XKR9: variants seen among roughly 807,000 people sequenced by gnomAD.
XKR9 encodes the protein XK-related protein 9.
A neutral mutation model predicts 32.0 loss-of-function variants in XKR9; 32 were observed. The observed-to-expected ratio is 1.00, with a 90% CI of 0.76 to 1.34. The LOEUF (loss-of-function observed/expected upper bound fraction) is 1.34. Ranked by LOEUF, XKR9 falls within the 40% of genes most tolerant of loss-of-function variation. The pLI, the probability that XKR9 is intolerant of heterozygous loss-of-function variation, is 0.00. For missense variants in XKR9, 546 were observed against 429.7 expected, an observed-to-expected ratio of 1.27 and a Z score of -2.39; for synonymous variants, 168 against 143.4, an observed-to-expected ratio of 1.17 and a Z score of -1.22.
At chr8:71,019,530 T>C in the XKR9 span, among the ~76,000 whole-genome samples, 2 of 152,302 alleles carry the variant, frequency 1.3e-5, no homozygotes, top group African/African-American at 4.8e-5. Context: ...CTGGGCCCAA[T>C]AGAGAGATCA....
the XKR9 span, among the ~76,000 whole-genome samples, chr8:71,064,207 T>G: frequency 6.6e-6 from 1 of 152,182 alleles, no homozygotes; most frequent in South Asian, 2.1e-4. Context: ...CTTAATTTTT[T>G]GAAGTACTTG....
chr8:70,914,162 T>C, the XKR9 span, among the ~76,000 whole-genome samples: 1 of 152,330 alleles, frequency 6.6e-6, no homozygotes, highest in Non-Finnish European at 1.5e-5. Flanking sequence ...TTTTCTGAGC[T>C]CAAGTGATCC....
the XKR9 span, among the ~76,000 whole-genome samples, chr8:70,810,441 C>T: frequency 6.6e-6 from 1 of 152,092 alleles, no homozygotes; most frequent in East Asian, 1.9e-4. Flanking sequence ...CACATAACAA[C>T]ATTAACTTTA....
At chr8:71,060,069 T>C in the XKR9 span, among the ~76,000 whole-genome samples, 1 of 152,212 alleles carries the variant, frequency 6.6e-6, no homozygotes, top group Non-Finnish European at 1.5e-5. Context: ...ATTAAAATAC[T>C]GTTTGGAAAA....
At chr8:70,718,319 TTTTAC>T (rs59063330) in intron 4 of XKR9, among the ~76,000 whole-genome samples, 49,659 of 151,492 alleles carry the variant, frequency 0.33, 9,219 homozygotes, top group Non-Finnish European at 0.43. Flanking sequence ...TTTATTTTTG[TTTTAC>T]TTTAAGTTCT....
the XKR9 span, among the ~76,000 whole-genome samples, chr8:70,849,529 G>C: frequency 3.5e-3 from 528 of 152,144 alleles, 3 homozygotes; most frequent in African/African-American, 0.012. Flanking sequence ...ATCTAAAATC[G>C]ACACCCTAAT....
the XKR9 span, among the ~76,000 whole-genome samples, chr8:70,845,774 T>TA: frequency 2.5e-4 from 38 of 151,420 alleles, no homozygotes; most frequent in Non-Finnish European, 4.3e-4. Context: ...GAAAAAATAA[T>TA]AAAAAAAACC....
the XKR9 span, among the ~76,000 whole-genome samples, chr8:70,872,696 T>C: frequency 1.3e-5 from 2 of 152,170 alleles, no homozygotes; most frequent in Non-Finnish European, 2.9e-5. Flanking sequence ...GTTTTGCTCT[T>C]GTTGCTCAGG....
the XKR9 span, among the ~76,000 whole-genome samples, chr8:70,816,669 A>T: frequency 6.6e-6 from 1 of 152,216 alleles, no homozygotes; most frequent in Non-Finnish European, 1.5e-5. Flanking sequence ...CTATTAGGCT[A>T]ACAGTGGACT....
At chr8:70,747,361 A>G (rs1807073215) in intron 2 of XKR9, among the ~76,000 whole-genome samples, 1 of 152,220 alleles carries the variant, frequency 6.6e-6, no homozygotes, top group Non-Finnish European at 1.5e-5. Context: ...TTGGGTCATG[A>G]ATGCATTGCC....
At chr8:70,961,956 A>G in the XKR9 span, among the ~76,000 whole-genome samples, 1 of 152,196 alleles carries the variant, frequency 6.6e-6, no homozygotes, top group Non-Finnish European at 1.5e-5. Context: ...TTGGTCTGAA[A>G]TGGTCCACAT....
the XKR9 span, among the ~76,000 whole-genome samples, chr8:70,823,962 T>C: frequency 6.6e-6 from 1 of 152,170 alleles, no homozygotes; most frequent in Admixed American, 6.5e-5. Flanking sequence ...ACTTGAAATC[T>C]AGTTTTTGTA....
chr8:71,004,467 T>C, the XKR9 span, among the ~76,000 whole-genome samples: 2 of 152,196 alleles, frequency 1.3e-5, no homozygotes, highest in East Asian at 1.9e-4. Flanking sequence ...AATTGTAAGA[T>C]GGGCCAAATG....
At chr8:70,757,549 ATG>A (rs1244171561) in intron 2 of XKR9, among the ~76,000 whole-genome samples, 6 of 23,176 alleles carry the variant, frequency 2.6e-4, no homozygotes, top group Non-Finnish European at 6.5e-4. Flanking sequence ...TTCTTTCATC[ATG>A]TATGTATGTA....
At chr8:70,960,636 C>T in the XKR9 span, among the ~76,000 whole-genome samples, 3 of 151,994 alleles carry the variant, frequency 2.0e-5, no homozygotes, top group African/African-American at 7.3e-5. Context: ...CCAACACCTT[C>T]GGAGACTGAG....
chr8:70,790,184 T>C (rs1807747375), exon 4 of XKR9: 1 of 151,972 alleles, frequency 6.6e-6, no homozygotes, highest in Non-Finnish European at 1.5e-5. Context: ...ATAGTGCTCT[T>C]ATATTTCACA....
At chr8:70,843,087 TA>T in the XKR9 span, among the ~76,000 whole-genome samples, 2 of 152,352 alleles carry the variant, frequency 1.3e-5, no homozygotes, top group South Asian at 4.1e-4. Context: ...AGTTTCATGT[TA>T]AAATCTACCT....
chr8:70,864,576 A>G, the XKR9 span, among the ~76,000 whole-genome samples: 1 of 152,206 alleles, frequency 6.6e-6, no homozygotes, highest in African/African-American at 2.4e-5. Context: ...CATTTGACCT[A>G]TAACTTGGCT....
At chr8:70,800,765 T>C in the XKR9 span, among the ~76,000 whole-genome samples, 1 of 152,070 alleles carries the variant, frequency 6.6e-6, no homozygotes, top group South Asian at 2.1e-4. Context: ...GGATTACAGG[T>C]GTGAGCCACT....
Sources: allele counts gnomAD v4.1 joint callset (sites outside exome capture counted in the v4.1 genomes callset), GRCh38; gene constraint gnomAD v4.1.1; transcripts MANE v1.5; gene names NCBI Gene and HGNC (gene_info 2026-07-23, HGNC 2026-07-21).